Variants in KCNIP4 observed in about 807,000 individuals in gnomAD.
KCNIP4 encodes the protein Kv channel-interacting protein 4.
KCNIP4 carries 12 observed loss-of-function variants against 34.0 expected under a neutral mutation model. The ratio of observed to expected loss-of-function variants is 0.35; its 90% CI spans 0.23 to 0.57. The LOEUF is 0.57. KCNIP4 is among the 20% of genes least tolerant of loss of function. The pLI is 0.83. For synonymous variants in KCNIP4, 124 were observed against 102.2 expected, an observed-to-expected ratio of 1.21 and a Z score of -1.29; for missense variants, 238 against 311.7, an observed-to-expected ratio of 0.76 and a Z score of 1.78.
At chr4:21,500,280 T>C (rs1733207362) in intron 1 of KCNIP4, among the ~76,000 whole-genome samples, 1 of 152,150 alleles carries the variant, frequency 6.6e-6, no homozygotes, top group African/African-American at 2.4e-5. Context: ...CAATTTCACT[T>C]AACTTTTAAC....
intron 1 of KCNIP4, among the ~76,000 whole-genome samples, chr4:21,486,648 G>T (rs554054556): frequency 1.3e-5 from 2 of 151,920 alleles, no homozygotes; most frequent in Non-Finnish European, 2.9e-5. Flanking sequence ...TCAACTATGC[G>T]ATTTCTTTAT....
At chr4:21,081,258 G>C (rs529244858) in intron 1 of KCNIP4, among the ~76,000 whole-genome samples, 2 of 151,802 alleles carry the variant, frequency 1.3e-5, no homozygotes, top group Non-Finnish European at 2.9e-5. Context: ...ACAAGGCCTA[G>C]CTGATTATTG....
intron 1 of KCNIP4, among the ~76,000 whole-genome samples, chr4:21,913,347 T>G (rs76629481): frequency 7.2e-4 from 100 of 138,296 alleles, no homozygotes; most frequent in East Asian, 6.9e-3. Context: ...TTGTATTTTG[T>G]TTTTTTTTTC....
intron 1 of KCNIP4, among the ~76,000 whole-genome samples, chr4:21,372,919 G>A (rs1283691366): frequency 1.4e-5 from 2 of 145,768 alleles, no homozygotes; most frequent in Non-Finnish European, 2.9e-5. Context: ...ACAGGTAGGT[G>A]GGTAAATATG....
At chr4:21,824,514 C>T (rs868442316) in intron 1 of KCNIP4, among the ~76,000 whole-genome samples, 1 of 152,116 alleles carries the variant, frequency 6.6e-6, no homozygotes, top group African/African-American at 2.4e-5. Flanking sequence ...ATTCTGTGAT[C>T]AGAATCAGAA....
At chr4:21,286,299 G>A (rs1441526119) in intron 1 of KCNIP4, among the ~76,000 whole-genome samples, 4 of 152,124 alleles carry the variant, frequency 2.6e-5, no homozygotes, top group African/African-American at 9.7e-5. Flanking sequence ...CTATGATAAG[G>A]CCACCGTTCC....
In KCNIP4 at chr4:21,335,647, T is replaced by C. The variant is rs533887597; in HGVS notation, c.62-452938A>G. On this transcript the variant is annotated intron_variant, in intron 1 of 8. Coordinates refer to ENST00000382152, the MANE Select transcript of KCNIP4 (RefSeq NM_025221.6). ...TAGGTGGATTGTTTTAATAAACATT[T>C]AAAAAGTATAAATCCAAGTAACTAC... is the stretch of plus-strand genomic sequence containing the variant. Among the ~76,000 whole-genome samples, 8 of 152,300 alleles carry C rather than the reference T, an allele frequency of 5.3e-5. No homozygotes were observed. In the East Asian group the frequency reaches 1.4e-3, roughly 26 times the overall value.
intron 1 of KCNIP4, among the ~76,000 whole-genome samples, chr4:21,736,528 CA>C (rs1262879844): frequency 1.3e-5 from 2 of 152,216 alleles, no homozygotes; most frequent in Non-Finnish European, 2.9e-5. Flanking sequence ...CTTTCTCAAA[CA>C]GTTTTCCTGG....
chr4:21,404,615 C>T (rs1057239822), intron 1 of KCNIP4, among the ~76,000 whole-genome samples: 1 of 152,050 alleles, frequency 6.6e-6, no homozygotes, highest in Non-Finnish European at 1.5e-5. Flanking sequence ...TAACAATCTT[C>T]AATGATTTAT....
At chr4:21,064,709 C>T (rs1276936341) in intron 1 of KCNIP4, among the ~76,000 whole-genome samples, 1 of 152,016 alleles carries the variant, frequency 6.6e-6, no homozygotes, top group Non-Finnish European at 1.5e-5. Context: ...TTATTGAGTG[C>T]TATTCAAGGG....
intron 1 of KCNIP4, among the ~76,000 whole-genome samples, chr4:21,001,239 A>G (rs531618247): frequency 6.6e-6 from 1 of 152,324 alleles, no homozygotes; most frequent in Non-Finnish European, 1.5e-5. Context: ...AATATTTTGT[A>G]TTGTTATGTT....
chr4:20,873,678 T>C (rs1270262129), intron 2 of KCNIP4, among the ~76,000 whole-genome samples: 1 of 152,188 alleles, frequency 6.6e-6, no homozygotes, highest in African/African-American at 2.4e-5. Context: ...TCTAGCTCCC[T>C]CTACTCTTGG....
chr4:21,595,547 G>C (rs1742581708), intron 1 of KCNIP4, among the ~76,000 whole-genome samples: 1 of 152,024 alleles, frequency 6.6e-6, no homozygotes, highest in African/African-American at 2.4e-5. Context: ...TCTGGTTCCA[G>C]ATCCTTGAGG....
At chr4:20,965,798 C>G (rs899576690) in intron 1 of KCNIP4, among the ~76,000 whole-genome samples, 1 of 152,126 alleles carries the variant, frequency 6.6e-6, no homozygotes, top group Non-Finnish European at 1.5e-5. Context: ...GCCATAAATG[C>G]TGAGCTATAT....
At chr4:21,140,293 T>A (rs1455705991) in intron 1 of KCNIP4, among the ~76,000 whole-genome samples, 1 of 152,048 alleles carries the variant, frequency 6.6e-6, no homozygotes, top group Non-Finnish European at 1.5e-5. Flanking sequence ...AAAGTACACA[T>A]TCCATGAGAA....
intron 1 of KCNIP4, among the ~76,000 whole-genome samples, chr4:21,643,558 G>C (rs563607324): frequency 9.7e-4 from 148 of 152,204 alleles, no homozygotes; most frequent in Non-Finnish European, 1.9e-3. Flanking sequence ...TATTATTCTA[G>C]ATATTTCCAT....
At chr4:21,538,803 G>A (rs1737443377) in intron 1 of KCNIP4, among the ~76,000 whole-genome samples, 3 of 152,214 alleles carry the variant, frequency 2.0e-5, no homozygotes, top group African/African-American at 7.2e-5. Flanking sequence ...AATGTGGCAC[G>A]ACTGAAAACA....
intron 1 of KCNIP4, among the ~76,000 whole-genome samples, chr4:21,037,359 G>A (rs769170693): frequency 1.3e-5 from 2 of 152,092 alleles, no homozygotes; most frequent in Non-Finnish European, 2.9e-5. Flanking sequence ...CATAGTAAGT[G>A]CCCTGCATAG....
Position 20,802,145 on chromosome 4 carries a change from ATATATATGCTATATATATGC to A in KCNIP4, c.289-43275_289-43256del, listed in dbSNP as rs201036512. Among the ~76,000 whole-genome samples the A allele has an allele frequency of 2.0e-3, 274 of 138,082 alleles. 4 individuals carry two copies. The East Asian group carries it at 0.034, about 17-fold the overall frequency. 90.6% of individuals were successfully genotyped at this position (138,082 alleles called of 152,430 possible). A position where few individuals can be genotyped will look rare whatever the true frequency, so the allele number is the denominator to read the frequency against. On this transcript the variant is annotated intron_variant, in intron 3 of 8. Coordinates refer to ENST00000382152, the MANE Select transcript of KCNIP4 (RefSeq NM_025221.6). ...ATGCTATATATATGCTATATATGCT[ATATATATGCTATATATATGC>A]TATATATGCTATATATATGCTATAT...
Sources: gnomAD v4.1 joint callset for allele counts (sites outside exome capture counted in the v4.1 genomes callset) on GRCh38, gnomAD v4.1.1 for gene constraint, MANE v1.5 for transcripts, NCBI Gene and HGNC (gene_info 2026-07-23, HGNC 2026-07-21) for gene names.